Variants in ATP11C observed in about 807,000 individuals in gnomAD.
ATP11C encodes the protein ATPase phospholipid transporting 11C (ATP11C blood group).
ATP11C carries 36 observed loss-of-function variants against 97.4 expected under a neutral mutation model. The ratio of observed to expected loss-of-function variants is 0.37; its 90% CI spans 0.28 to 0.49. The LOEUF is 0.49. Among genes scored for constraint, ATP11C ranks in the 20% least tolerant of loss-of-function variants. The pLI is 0.98. For missense variants in ATP11C, 730 were observed against 824.6 expected (o/e 0.89, Z 1.40); for synonymous variants, 275 against 290.9 (o/e 0.95, Z 0.56).
chrX:139,821,130 A>G (rs1395979548), intron 2 of ATP11C, among the ~76,000 whole-genome samples: 2 of 112,201 alleles, frequency 1.8e-5, no homozygotes, highest in Non-Finnish European at 3.8e-5. Flanking sequence ...TCCTCAGGGA[A>G]AAAACACAAA....
chrX:139,768,899 A>C (rs1303558878), intron 19 of ATP11C, among the ~76,000 whole-genome samples: 2 of 108,683 alleles, frequency 1.8e-5, no homozygotes, highest in Admixed American at 2.0e-4. Context: ...TTCCTAAGGC[A>C]GTAGCCTTAG....
chrX:139,867,464 C>T (rs2084304778), intron 1 of ATP11C, among the ~76,000 whole-genome samples: 1 of 111,396 alleles, frequency 9.0e-6, no homozygotes. Flanking sequence ...CAGAAAAATG[C>T]AATAGATTTC....
In ATP11C at chrX:139,896,328, A is replaced by G. The variant is rs538462966; in HGVS notation, c.27+35688T>C. On this transcript the variant is annotated intron_variant, in intron 1 of 29. Transcript: ENST00000682941. ...TGAGAAAAACATCAGACAAATCCCA[A>G]TTGAAGGACATTCTACAAAACACCT... Among the ~76,000 whole-genome samples the G allele has an allele frequency of 3.5e-4, 39 of 110,280 alleles. No individual in the cohort carries two copies. In the South Asian group the frequency reaches 0.015, roughly 42 times the overall value.
intron 1 of ATP11C, among the ~76,000 whole-genome samples, chrX:139,876,448 C>A (rs767145536): frequency 8.9e-6 from 1 of 111,917 alleles, no homozygotes; most frequent in Non-Finnish European, 1.9e-5. Context: ...GAGATGCGAT[C>A]TCAACTATGT....
At chrX:139,762,228 T>A in intron 21 of ATP11C, 122 bp from the exon 22 acceptor site, 1 of 574,145 alleles carries the variant, frequency 1.7e-6, no homozygotes, top group Non-Finnish European at 2.7e-6. Flanking sequence ...TTTCCTTTTT[T>A]AAAAACCAAA....
chrX:139,852,673 C>A (rs1051670360), intron 1 of ATP11C, among the ~76,000 whole-genome samples: 14 of 109,674 alleles, frequency 1.3e-4, no homozygotes, highest in Non-Finnish European at 2.5e-4. Context: ...GGTGACAAGT[C>A]CTACTGCAGG....
At chrX:139,829,582 G>A (rs1288313076) in intron 1 of ATP11C, among the ~76,000 whole-genome samples, 1 of 111,155 alleles carries the variant, frequency 9.0e-6, no homozygotes, top group Admixed American at 9.6e-5. Flanking sequence ...ACCTCGTAAT[G>A]AATTGTAATT....
intron 22 of ATP11C, 47 bp downstream of exon 22, chrX:139,761,914 A>G: frequency 1.0e-6 from 1 of 975,685 alleles, no homozygotes; most frequent in African/African-American, 1.9e-5. Context: ...AAGCTGAGCC[A>G]ATGCTGGATT....
intron 23 of ATP11C, among the ~76,000 whole-genome samples, chrX:139,752,651 T>C (rs1014014597): frequency 8.9e-6 from 1 of 112,141 alleles, no homozygotes; most frequent in African/African-American, 3.2e-5. Context: ...CCAACTTACC[T>C]TTAGCACACT....
At chrX:139,919,875 C>T (rs2085227197) in intron 1 of ATP11C, among the ~76,000 whole-genome samples, 1 of 111,102 alleles carries the variant, frequency 9.0e-6, no homozygotes, top group Non-Finnish European at 1.9e-5. Flanking sequence ...GCCATGATGG[C>T]GCCACTGCAC....
At chrX:139,907,646 G>A (rs1569490298) in intron 1 of ATP11C, among the ~76,000 whole-genome samples, 1 of 109,886 alleles carries the variant, frequency 9.1e-6, no homozygotes, top group Admixed American at 9.8e-5. Flanking sequence ...TACTTGAGAG[G>A]CTAAGGCAGG....
At chrX:139,907,146 T>G (rs1191571927) in intron 1 of ATP11C, among the ~76,000 whole-genome samples, 1 of 111,444 alleles carries the variant, frequency 9.0e-6, no homozygotes, top group African/African-American at 3.3e-5. Context: ...ATTACAATTA[T>G]GTTGTTTACT....
At chrX:139,872,379 T>C (rs1209381831) in intron 1 of ATP11C, among the ~76,000 whole-genome samples, 2 of 111,525 alleles carry the variant, frequency 1.8e-5, no homozygotes, top group African/African-American at 3.3e-5. Context: ...TTTATTATTA[T>C]ACTTTAAGTT....
intron 5 of ATP11C, among the ~76,000 whole-genome samples, chrX:139,806,757 T>C (rs183545610): frequency 3.0e-4 from 34 of 111,514 alleles, no homozygotes; most frequent in African/African-American, 1.1e-3. Context: ...GGCACGGGCA[T>C]ACAGGTGGTG....
intron 19 of ATP11C, among the ~76,000 whole-genome samples, chrX:139,771,613 C>A (rs1366925084): frequency 9.0e-6 from 1 of 111,458 alleles, no homozygotes; most frequent in African/African-American, 3.3e-5. Context: ...AAGGTTCAGG[C>A]TGAGGTGGTC....
intron 1 of ATP11C, among the ~76,000 whole-genome samples, chrX:139,884,746 G>T (rs1166811210): frequency 1.8e-5 from 2 of 111,872 alleles, no homozygotes; most frequent in Non-Finnish European, 3.8e-5. Flanking sequence ...AGAACTTTAG[G>T]CAATTTTGTC....
chrX:139,906,278 G>T (rs1024221519), intron 1 of ATP11C, among the ~76,000 whole-genome samples: 3 of 109,183 alleles, frequency 2.7e-5, no homozygotes, highest in Non-Finnish European at 5.7e-5. Flanking sequence ...ATTAGCTGGG[G>T]TCATGGCATA....
chrX:139,842,871 C>A (rs746937047), intron 1 of ATP11C, among the ~76,000 whole-genome samples: 1 of 111,943 alleles, frequency 8.9e-6, no homozygotes, highest in Non-Finnish European at 1.9e-5. Context: ...GGTTTCAGAG[C>A]TACTCTAACA....
rs72617907 is a variant in ATP11C at position 139,881,347 on chromosome X, G to A, written c.27+50669C>T. 6.2e-4 allele frequency among the ~76,000 whole-genome samples: 69 copies of A among 111,448 alleles called. No individual in the cohort carries two copies. In the East Asian group the frequency reaches 0.017, roughly 28 times the overall value. On this transcript the variant is annotated intron_variant, in intron 1 of 29. Coordinates refer to ENST00000682941, the MANE Select transcript of ATP11C (RefSeq NM_001353812.2). The stretch of plus-strand genomic sequence containing the variant: ...TCATACATGGTTCAACCCAGGCCAC[G>A]AGAGTAGAATATTTCATAAGGAGTA...
Sources: gnomAD v4.1 joint callset for allele counts (sites outside exome capture counted in the v4.1 genomes callset) on GRCh38, gnomAD v4.1.1 for gene constraint, MANE v1.5 for transcripts, NCBI Gene and HGNC (gene_info 2026-07-23, HGNC 2026-07-21) for gene names.